Variants in RYR3 observed in about 807,000 individuals in gnomAD.
The protein encoded by RYR3 is ryanodine receptor 3.
A neutral mutation model predicts 584.3 loss-of-function variants in RYR3; 207 were observed. That is an observed-to-expected ratio of 0.35 (90% confidence interval 0.32 to 0.40). The LOEUF (loss-of-function observed/expected upper bound fraction) is 0.40, where lower values mean the gene tolerates loss of function less well. Among genes scored for constraint, RYR3 ranks in the 10% least tolerant of loss-of-function variants. RYR3 has a pLI of 1.00. For synonymous variants in RYR3, 2,416 were observed against 2,248.5 expected, an observed-to-expected ratio of 1.07 and a Z score of -2.11; for missense variants, 5,616 against 6,089.2, an observed-to-expected ratio of 0.92 and a Z score of 2.59.
At chr15:33,864,837 G>C in intron 103 of RYR3, 1 of 326,252 alleles carries the variant, frequency 3.1e-6, no homozygotes, top group African/African-American at 2.1e-5. Flanking sequence ...CATGGAATCA[G>C]CTTATTGCTA....
intron 9 of RYR3, among the ~76,000 whole-genome samples, chr15:33,549,774 T>C (rs1323348561): frequency 6.6e-6 from 1 of 152,216 alleles, no homozygotes. Flanking sequence ...TAGTAATACG[T>C]TTTAGTTCAG....
At chr15:33,863,192 T>G (rs1423938146) in intron 102 of RYR3, among the ~76,000 whole-genome samples, 1 of 152,162 alleles carries the variant, frequency 6.6e-6, no homozygotes, top group Non-Finnish European at 1.5e-5. Context: ...TATTCGTGTT[T>G]GAGCCTCCCA....
intron 2 of RYR3, among the ~76,000 whole-genome samples, chr15:33,489,089 A>G (rs1179411127): frequency 6.6e-6 from 1 of 152,126 alleles, no homozygotes. Flanking sequence ...ATGCAAAATG[A>G]CCTCTCAGGC....
In RYR3 at chr15:33,700,995, G is replaced by C; in HGVS notation, c.6398G>C (p.Gly2133Ala). ...CCCTCAGCCTCCCCGTCGATGAGGG[G>C]ATCCACCCCGCTGGATGTGGCAGCT... ...SVGLASPSMRGSTPLDVAASS... is the reference protein window; with the variant it reads ...SVGLASPSMRASTPLDVAASS... The change falls in exon 42 of 104, where the codon GGA becomes GCA. Residue 2133 changes from glycine to alanine, a missense_variant. Physicochemically the swap from Gly to Ala is moderately conservative, Grantham distance 60 (BLOSUM62 0). Around this residue, in one of 9 missense-constraint regions of RYR3, gnomAD observed 1,280 missense variants for 1,426.2 expected, o/e 0.90. Coordinates refer to ENST00000634891, the MANE Select transcript of RYR3 (RefSeq NM_001036.6). The C allele has an allele frequency of 6.2e-7, 1 of 1,613,126 alleles. No homozygotes were observed. The highest frequency in any genetic ancestry group is 8.5e-7 in the Non-Finnish European group (1 of 1,179,492).
chr15:33,699,559 A>T, intron 40 of RYR3, 145 bp from the exon 41 acceptor site: 1 of 641,930 alleles, frequency 1.6e-6, no homozygotes, highest in South Asian at 2.3e-5. Context: ...AACTCCTATG[A>T]ATAAGTCTTG....
chr15:33,844,554 C>A (rs886873123), intron 92 of RYR3, among the ~76,000 whole-genome samples: 2 of 152,186 alleles, frequency 1.3e-5, no homozygotes, highest in Non-Finnish European at 2.9e-5. Context: ...CAGGCCACAG[C>A]ATGATCAGAG....
At chr15:33,550,057 A>C in intron 9 of RYR3, 103 bp from the exon 10 acceptor site, 1 of 1,216,598 alleles carries the variant, frequency 8.2e-7, no homozygotes, top group Non-Finnish European at 1.1e-6. Context: ...TGGACACCAG[A>C]AGGGTTATAA....
chr15:33,631,917 T>C (rs1390559173), intron 23 of RYR3, among the ~76,000 whole-genome samples: 1 of 152,190 alleles, frequency 6.6e-6, no homozygotes, highest in Admixed American at 6.5e-5. Flanking sequence ...ATCAAACGTT[T>C]ATCTTCCCCC....
intron 1 of RYR3, among the ~76,000 whole-genome samples, chr15:33,312,351 G>T (rs1289484220): frequency 7.3e-6 from 1 of 136,802 alleles, no homozygotes; most frequent in Non-Finnish European, 1.5e-5. Context: ...TGGTTCTTTT[G>T]TCAAAGCTGG....
intron 1 of RYR3, among the ~76,000 whole-genome samples, chr15:33,320,054 A>C (rs920197618): frequency 6.6e-5 from 10 of 152,220 alleles, no homozygotes; most frequent in African/African-American, 2.2e-4. Context: ...ACTGCCAGTC[A>C]AGCAAAACAC....
intron 1 of RYR3, among the ~76,000 whole-genome samples, chr15:33,336,015 A>T (rs1285754326): frequency 6.6e-6 from 1 of 152,192 alleles, no homozygotes; most frequent in African/African-American, 2.4e-5. Context: ...TCATAAAACA[A>T]AGCCAAATTC....
chr15:33,604,583 G>A (rs534912346), intron 18 of RYR3, among the ~76,000 whole-genome samples: 2 of 152,336 alleles, frequency 1.3e-5, no homozygotes, highest in South Asian at 4.1e-4. Context: ...TTCATGTTCT[G>A]TGTGTCCCAG....
chr15:33,630,279 A>G (rs533839150), intron 22 of RYR3, among the ~76,000 whole-genome samples: 40 of 152,356 alleles, frequency 2.6e-4, no homozygotes, highest in African/African-American at 9.1e-4. Context: ...TAAGAGGCAG[A>G]AAAGAAACTT....
rs1890263221 is a variant in RYR3, at chr15:33,865,663, A to G, written c.*437A>G. 1 of 156,088 alleles carries G rather than the reference A, an allele frequency of 6.4e-6. No homozygotes were observed. The highest frequency in any genetic ancestry group is 2.1e-4 in the East Asian group (1 of 4,870). The allele number at this position is 156,088 out of a possible 1,614,324, so 9.7% of individuals were successfully genotyped here. On this transcript the variant is annotated 3_prime_UTR_variant, in exon 104 of 104. Coordinates refer to ENST00000634891, the MANE Select transcript of RYR3 (RefSeq NM_001036.6). ...ACTCACTCCAAAAGATAATAACTGCAGTCTAATTTTTCCCATGGTACTTGC... is the reference window on the plus strand; with the variant it reads ...ACTCACTCCAAAAGATAATAACTGCGGTCTAATTTTTCCCATGGTACTTGC...
chr15:33,674,438 T>C (rs1446188797), intron 38 of RYR3, among the ~76,000 whole-genome samples: 1 of 152,224 alleles, frequency 6.6e-6, no homozygotes, highest in African/African-American at 2.4e-5. Context: ...TAGTAGTGTA[T>C]GTATGACTTT....
At chr15:33,515,142 T>C (rs556457103) in intron 3 of RYR3, among the ~76,000 whole-genome samples, 45 of 152,374 alleles carry the variant, frequency 3.0e-4, no homozygotes, top group African/African-American at 9.4e-4. Context: ...GAATTTGTTT[T>C]TGATGGGTAC....
intron 45 of RYR3, among the ~76,000 whole-genome samples, 163 bp from the exon 46 acceptor site, chr15:33,726,223 C>T (rs889480970): frequency 5.9e-5 from 9 of 152,072 alleles, no homozygotes; most frequent in Middle Eastern, 3.2e-3. Context: ...ATCAAGATGC[C>T]ACTCTCCTCT....
rs2070937450 is a variant in RYR3, at chr15:33,748,222, G to A, written c.8098G>A (p.Glu2700Lys). 1.2e-6 allele frequency: 2 copies of A among 1,613,832 alleles called. No individual in the cohort carries two copies. The highest frequency in any genetic ancestry group is 2.7e-5 in the African/African-American group (2 of 74,912). The change falls in exon 54 of 104, where the codon GAA (glutamate) becomes AAA (lysine). Residue 2700 changes from glutamate to lysine, a missense_variant. Glu to Lys is a moderately conservative substitution (Grantham distance 56). Around this residue, in one of 9 missense-constraint regions of RYR3, gnomAD observed 1,280 missense variants for 1,426.2 expected, o/e 0.90. Transcript: ENST00000634891. ...GGGAGAAGCTTTGGTTCAACAGCGG[G>A]AAAATGAGAAGCTTCGAAGTGTGTC... ...KEGEALVQQRENEKLRSVSQA... is the reference protein window; with the variant it reads ...KEGEALVQQRKNEKLRSVSQA...
At chr15:33,315,880 C>T (rs944902339) in intron 1 of RYR3, among the ~76,000 whole-genome samples, 5 of 152,154 alleles carry the variant, frequency 3.3e-5, no homozygotes, top group Admixed American at 6.5e-5. Flanking sequence ...TGACTGCAAA[C>T]TTGGAAATAT....
Sources: gnomAD v4.1 joint callset for allele counts (sites outside exome capture counted in the v4.1 genomes callset) on GRCh38, gnomAD v4.1.1 for gene constraint, gnomAD v4.1.1 regional missense constraint, MANE v1.5 for transcripts, NCBI Gene and HGNC (gene_info 2026-07-23, HGNC 2026-07-21) for gene names.